The following GRTP1 variants were observed in gnomAD, a reference collection of about 807,000 sequenced individuals.
GRTP1 encodes the protein growth hormone regulated TBC protein 1, also known as growth hormone-regulated TBC protein 1.
Under a neutral mutation model 38.1 loss-of-function variants are expected in GRTP1, and 56 were observed. The ratio of observed to expected loss-of-function variants is 1.47; its 90% CI spans 1.19 to 1.84. GRTP1 has a LOEUF of 1.84. Among genes scored for constraint, GRTP1 ranks in the 40% most tolerant of loss-of-function variants. The pLI is 0.00. For synonymous variants in GRTP1, 217 were observed against 189.5 expected, an observed-to-expected ratio of 1.14 and a Z score of -1.19; for missense variants, 506 against 453.9, an observed-to-expected ratio of 1.11 and a Z score of -1.04.
Position 113,357,112 on chromosome 13 carries a change from C to A in GRTP1, c.182-1631G>T, listed in dbSNP as rs540548258. On this transcript the variant is annotated intron_variant, in intron 2 of 7. Transcript: ENST00000375431. ...AGATCACGAGGTCAAGAGATCGAGA[C>A]CATCCTGGCCAACATGGTGAAACCC... Among the ~76,000 whole-genome samples the A allele has an allele frequency of 3.6e-4, 55 of 151,296 alleles. 1 individual carries two copies. Among genetic ancestry groups the A allele is most frequent in the African/African-American group, 1.3e-3 (54 of 41,262 alleles).
At chr13:113,352,326 T>TATATATATTTTA (rs1491132131) in intron 3 of GRTP1, among the ~76,000 whole-genome samples, 1 of 68,518 alleles carries the variant, frequency 1.5e-5, no homozygotes, top group African/African-American at 5.9e-5. Context: ...ATATATATTT[T>TATATATATTTTA]TATATATATT....
intron 5 of GRTP1, among the ~76,000 whole-genome samples, chr13:113,328,794 G>C (rs2042813102): frequency 6.6e-6 from 1 of 152,240 alleles, no homozygotes; most frequent in African/African-American, 2.4e-5. Flanking sequence ...TCTGTGAAAG[G>C]AGTTTCCATT....
At chr13:113,362,926 T>C (rs1171405425) in intron 2 of GRTP1, among the ~76,000 whole-genome samples, 1 of 152,206 alleles carries the variant, frequency 6.6e-6, no homozygotes, top group African/African-American at 2.4e-5. Context: ...AGACACTTCA[T>C]TCATTCACTG....
intron 2 of GRTP1, among the ~76,000 whole-genome samples, chr13:113,357,199 C>T (rs1179869678): frequency 3.3e-5 from 5 of 152,260 alleles, no homozygotes; most frequent in African/African-American, 9.6e-5. Flanking sequence ...AATCCCAGCA[C>T]TTTGGGAGGC....
intron 4 of GRTP1, among the ~76,000 whole-genome samples, chr13:113,346,074 C>CCG (rs1566429030): frequency 2.5e-3 from 15 of 5,996 alleles, no homozygotes; most frequent in Admixed American, 3.9e-3. Flanking sequence ...ACCTCTGCGG[C>CCG]TGAGCAGACC....
At chr13:113,346,371 T>A (rs1172249745) in intron 4 of GRTP1, among the ~76,000 whole-genome samples, 54 of 1,338 alleles carry the variant, frequency 0.04, 12 homozygotes, top group South Asian at 0.071. Flanking sequence ...CCTCTGTGGC[T>A]GAGAGCGGAC....
At chr13:113,330,177 G>T (rs2042839141) in intron 5 of GRTP1, among the ~76,000 whole-genome samples, 1 of 148,692 alleles carries the variant, frequency 6.7e-6, no homozygotes, top group South Asian at 2.1e-4. Flanking sequence ...GGGAGCCCAG[G>T]TGCGTGGATG....
chr13:113,353,659 T>C (rs1419167382), intron 3 of GRTP1, among the ~76,000 whole-genome samples: 1 of 152,184 alleles, frequency 6.6e-6, no homozygotes, highest in African/African-American at 2.4e-5. Context: ...ACAGCGGGAT[T>C]GCCAGGGGCT....
chr13:113,362,350 G>A (rs919650134), intron 2 of GRTP1, among the ~76,000 whole-genome samples: 3 of 151,910 alleles, frequency 2.0e-5, no homozygotes, highest in Non-Finnish European at 4.4e-5. Flanking sequence ...AAATCAAAAA[G>A]AATAAATGAA....
intron 5 of GRTP1, among the ~76,000 whole-genome samples, chr13:113,336,519 A>T (rs1309696250): frequency 6.6e-6 from 1 of 152,010 alleles, no homozygotes; most frequent in African/African-American, 2.4e-5. Flanking sequence ...TCGCTGGGAG[A>T]CTGAAGAACA....
intron 5 of GRTP1, among the ~76,000 whole-genome samples, chr13:113,329,680 A>G (rs2042828962): frequency 6.6e-6 from 1 of 152,256 alleles, no homozygotes; most frequent in Non-Finnish European, 1.5e-5. Context: ...GCGGGACTAC[A>G]TACAAAGCAC....
rs935476558 is a variant in GRTP1, at chr13:113,345,017, C to T, written c.466-58G>A. 25 of 1,551,382 alleles carry T rather than the reference C, an allele frequency of 1.6e-5. No individual in the cohort carries two copies. In the African/African-American group the frequency reaches 3.4e-4, roughly 21 times the overall value. Reference sequence around the variant, plus strand: ...TTGAGTTTTAAGCCCCCATTTGATTCTGCAATCATTCGGCTACAAACTACC... The same window carrying T: ...TTGAGTTTTAAGCCCCCATTTGATTTTGCAATCATTCGGCTACAAACTACC... On this transcript the variant is annotated intron_variant, in intron 4 of 7. Coordinates refer to ENST00000375431, the MANE Select transcript of GRTP1 (RefSeq NM_024719.4).
intron 5 of GRTP1, among the ~76,000 whole-genome samples, chr13:113,334,584 T>G (rs79008381): frequency 0.037 from 5,567 of 151,988 alleles, 345 homozygotes; most frequent in African/African-American, 0.13. Flanking sequence ...AATCCTCAAT[T>G]TGCTAGACAG....
At chr13:113,331,799 G>A (rs573308833) in intron 5 of GRTP1, among the ~76,000 whole-genome samples, 1 of 151,132 alleles carries the variant, frequency 6.6e-6, no homozygotes, top group African/African-American at 2.4e-5. Context: ...GGGATCACAG[G>A]CATCCGACAC....
intron 7 of GRTP1, 187 bp downstream of exon 7, chr13:113,325,474 A>G (rs560561003): frequency 3.4e-6 from 5 of 1,458,878 alleles, no homozygotes; most frequent in East Asian, 2.5e-5. Flanking sequence ...CAGGGCCGCC[A>G]TAGACAGGAA....
rs187595491 is a variant in GRTP1, at chr13:113,324,253, T to C, written c.*235A>G. On this transcript the variant is annotated 3_prime_UTR_variant, in exon 8 of 8. Coordinates refer to ENST00000375431, the MANE Select transcript of GRTP1 (RefSeq NM_024719.4). The stretch of plus-strand genomic sequence containing the variant: ...ACCCACACTCACATTTTATATATTA[T>C]TGATCTCTCAGGTAAAAATAAGTTT... The C allele has an allele frequency of 2.5e-5, 12 of 484,258 alleles. No homozygotes were observed. Among genetic ancestry groups the C allele is most frequent in the East Asian group, 3.5e-5 (1 of 28,622 alleles). The allele number at this position is 484,258 out of a possible 1,614,324, so 30.0% of individuals were successfully genotyped here.
intron 4 of GRTP1, among the ~76,000 whole-genome samples, chr13:113,346,080 A>AGTG (rs1481477302): frequency 0.037 from 247 of 6,632 alleles, 58 homozygotes; most frequent in Admixed American, 0.067. Flanking sequence ...GCGGCTGAGC[A>AGTG]GACCTGGGAA....
intron 7 of GRTP1, 138 bp from the exon 8 acceptor site, chr13:113,324,715 C>A: frequency 7.0e-7 from 1 of 1,430,226 alleles, no homozygotes; most frequent in Non-Finnish European, 9.2e-7. Flanking sequence ...TCTGGGGTGA[C>A]CCACAGATTG....
chr13:113,363,106 G>T (rs1312959413), intron 2 of GRTP1, among the ~76,000 whole-genome samples: 1 of 152,216 alleles, frequency 6.6e-6, no homozygotes, highest in Non-Finnish European at 1.5e-5. Flanking sequence ...CCCGGAGGAG[G>T]GGGCCCTGCA....
Sources: allele counts gnomAD v4.1 joint callset (sites outside exome capture counted in the v4.1 genomes callset), GRCh38; gene constraint gnomAD v4.1.1; transcripts MANE v1.5; gene names NCBI Gene and HGNC (gene_info 2026-07-23, HGNC 2026-07-21).